Variants in SHB observed in about 807,000 individuals in gnomAD.
SHB encodes SH2 domain-containing adapter protein B.
In SHB, 20 loss-of-function variants were observed where a neutral mutation model predicts 52.3. The ratio of observed to expected loss-of-function variants is 0.38; its 90% CI spans 0.27 to 0.56. The LOEUF (loss-of-function observed/expected upper bound fraction) is 0.56. SHB is among the 20% of genes least tolerant of loss of function. The probability of loss-of-function intolerance (pLI) is 0.71; values close to 1 mark genes in which losing one functional copy is unlikely to be tolerated. For missense variants in SHB, 825 were observed against 723.3 expected, an observed-to-expected ratio of 1.14 and a Z score of -1.61; for synonymous variants, 397 against 316.5, an observed-to-expected ratio of 1.25 and a Z score of -2.70.
chr9:38,012,964 G>A (rs982976359), intron 2 of SHB, among the ~76,000 whole-genome samples: 3 of 151,726 alleles, frequency 2.0e-5, no homozygotes, highest in Admixed American at 1.3e-4. Flanking sequence ...CGTCAGCTCT[G>A]CAAGCCTCCT....
At position 37,919,672 on chromosome 9, in the gene SHB, C is replaced by T; in HGVS notation, c.*149G>A. ...CTTCTCCAGCCCCCGTAAGTGGCAA[C>T]AGCATTCTAGAGACATGCAGTGGTG... On this transcript the variant is annotated 3_prime_UTR_variant, in exon 6 of 6. Transcript: ENST00000377707. The T allele has an allele frequency of 1.7e-6, 1 of 600,330 alleles. No individual in the cohort carries two copies. 37.2% of individuals were successfully genotyped at this position (600,330 alleles called of 1,614,324 possible). A position where few individuals can be genotyped will look rare whatever the true frequency, so the allele number is the denominator to read the frequency against.
intron 1 of SHB, among the ~76,000 whole-genome samples, chr9:38,051,704 G>C (rs761358193): frequency 6.6e-6 from 1 of 152,188 alleles, no homozygotes; most frequent in Non-Finnish European, 1.5e-5. Context: ...AGCCCGGCAA[G>C]CAGGAGCTGA....
intron 1 of SHB, among the ~76,000 whole-genome samples, chr9:38,063,079 C>A (rs1486967486): frequency 2.6e-5 from 4 of 152,194 alleles, no homozygotes; most frequent in Non-Finnish European, 5.9e-5. Flanking sequence ...GGGAATCAAC[C>A]AGGAAAAACT....
rs576246968 is a variant in SHB, at chr9:38,035,317, G to A, written c.718-19186C>T. ...GAGGTAGTGAGCTCCCTGTCACAGG[G>A]GACCTCCAAGCAGAAGCGGGTTGAG... On this transcript the variant is annotated intron_variant, in intron 1 of 5. Transcript: ENST00000377707. 1.4e-4 allele frequency among the ~76,000 whole-genome samples: 22 copies of A among 151,862 alleles called. 1 individual carries two copies. The South Asian group carries it at 4.2e-3, about 29-fold the overall frequency.
intron 2 of SHB, among the ~76,000 whole-genome samples, chr9:37,983,545 T>A (rs1383742756): frequency 2.0e-5 from 3 of 152,088 alleles, no homozygotes; most frequent in Admixed American, 2.0e-4. Flanking sequence ...TTGCTGGAAA[T>A]GATAGACGCT....
rs186101062 is a variant in SHB, at chr9:37,917,986, G to A, written c.*1835C>T. ...AAGGGGCAGGGCTCAGTCCCAGCTC[G>A]ACACGTGGCCTTGGCGAGTCCTCCT... On this transcript the variant is annotated 3_prime_UTR_variant, in exon 6 of 6. Coordinates refer to ENST00000377707, the MANE Select transcript of SHB (RefSeq NM_003028.3). Among the ~76,000 whole-genome samples the A allele has an allele frequency of 1.6e-4, 24 of 152,338 alleles. No homozygotes were observed. Among genetic ancestry groups the A allele is most frequent in the African/African-American group, 2.4e-4 (10 of 41,584 alleles).
At position 37,971,299 on chromosome 9, in the gene SHB, C is replaced by A. The variant is rs185846621; in HGVS notation, c.1054+3323G>T. Among the ~76,000 whole-genome samples, 318 of 152,334 alleles carry A rather than the reference C, an allele frequency of 2.1e-3. 1 individual carries two copies. The highest frequency in any genetic ancestry group is 2.5e-3 in the Non-Finnish European group (168 of 68,026). On this transcript the variant is annotated intron_variant, in intron 3 of 5. Transcript: ENST00000377707. ...CCTCGCCATCCTTCCCGGGAAGCTGCACTTCTGGTTTTACACATGGGGCTG... is the reference window on the plus strand; with the variant it reads ...CCTCGCCATCCTTCCCGGGAAGCTGAACTTCTGGTTTTACACATGGGGCTG...
At chr9:37,963,021 C>A (rs1254823024) in intron 3 of SHB, among the ~76,000 whole-genome samples, 1 of 152,210 alleles carries the variant, frequency 6.6e-6, no homozygotes, top group Non-Finnish European at 1.5e-5. Context: ...CCAGCGCTAG[C>A]CCTTGAGCCC....
At chr9:37,985,261 G>C (rs1458762000) in intron 2 of SHB, among the ~76,000 whole-genome samples, 3 of 152,220 alleles carry the variant, frequency 2.0e-5, no homozygotes, top group Non-Finnish European at 4.4e-5. Flanking sequence ...CAGGGTGCCT[G>C]GGTTTGCTCC....
chr9:37,964,970 C>G (rs984469559), intron 3 of SHB, among the ~76,000 whole-genome samples: 4 of 152,252 alleles, frequency 2.6e-5, no homozygotes, highest in African/African-American at 9.6e-5. Flanking sequence ...ACGTCTGATA[C>G]AGTATGTCTC....
chr9:37,927,193 G>A (rs1169951593), intron 5 of SHB, among the ~76,000 whole-genome samples: 2 of 152,196 alleles, frequency 1.3e-5, no homozygotes, highest in Non-Finnish European at 2.9e-5. Context: ...GGGGCAGGGG[G>A]CATGGAGGCT....
intron 2 of SHB, among the ~76,000 whole-genome samples, chr9:37,991,929 C>T (rs1820887185): frequency 6.6e-6 from 1 of 152,162 alleles, no homozygotes; most frequent in African/African-American, 2.4e-5. Flanking sequence ...CAGGTTCTTT[C>T]CCACAGATTA....
intron 1 of SHB, among the ~76,000 whole-genome samples, chr9:38,053,564 T>A (rs1055237582): frequency 2.0e-5 from 3 of 152,082 alleles, no homozygotes; most frequent in Non-Finnish European, 4.4e-5. Flanking sequence ...AGAACTTGCC[T>A]CCTATGGGGT....
intron 4 of SHB, among the ~76,000 whole-genome samples, chr9:37,952,761 A>C (rs1039577182): frequency 1.5e-5 from 2 of 130,860 alleles, no homozygotes; most frequent in Non-Finnish European, 3.6e-5. Context: ...GGCTTGAACC[A>C]TAACTAGTTA....
At position 37,948,634 on chromosome 9, in the gene SHB, CCTCAGGGAG is replaced by C. The variant is rs1832522418; in HGVS notation, c.1338_1346del (p.Leu448_Ser450del). The C allele has an allele frequency of 6.2e-7, 1 of 1,613,238 alleles. No homozygotes were observed. ...CTGGGGGTGCTCGGGGCGGCACTCACCTCAGGGAGAGGGAGTAGTCATGCTTGCTGGTCT... is the reference window on the plus strand; with the variant it reads ...CTGGGGGTGCTCGGGGCGGCACTCACAGGGAGTAGTCATGCTTGCTGGTCT... On this transcript the variant is annotated inframe_deletion and splice_region_variant, in exon 5 of 6. Transcript: ENST00000377707.
chr9:37,999,006 G>T (rs923401191), intron 2 of SHB, among the ~76,000 whole-genome samples: 17 of 152,350 alleles, frequency 1.1e-4, no homozygotes, highest in African/African-American at 3.8e-4. Context: ...GAACAAGAGG[G>T]AGGAAGTCCC....
intron 2 of SHB, among the ~76,000 whole-genome samples, chr9:38,002,923 C>G (rs1339298732): frequency 1.3e-5 from 2 of 152,176 alleles, no homozygotes; most frequent in African/African-American, 4.8e-5. Flanking sequence ...AGACCCAGGG[C>G]ATAGGGCTGG....
intron 3 of SHB, among the ~76,000 whole-genome samples, chr9:37,974,275 A>AAATG (rs567986111): frequency 1.2e-3 from 181 of 152,224 alleles, no homozygotes; most frequent in Admixed American, 3.2e-3. Context: ...ATAAATAAAT[A>AAATG]AATAAACCAA....
At chr9:37,938,631 G>T (rs1009144874) in intron 5 of SHB, among the ~76,000 whole-genome samples, 2 of 152,192 alleles carry the variant, frequency 1.3e-5, no homozygotes, top group African/African-American at 4.8e-5. Context: ...ATTTATGTGG[G>T]CTGATACGAG....
Sources: gnomAD v4.1 joint callset for allele counts (sites outside exome capture counted in the v4.1 genomes callset) on GRCh38, gnomAD v4.1.1 for gene constraint, MANE v1.5 for transcripts, NCBI Gene and HGNC (gene_info 2026-07-23, HGNC 2026-07-21) for gene names.